The following MAP4 variants were observed in gnomAD, a reference collection of about 807,000 sequenced individuals.
The protein encoded by MAP4 is microtubule associated protein 4, also known as microtubule-associated protein 4.
In MAP4, 76 loss-of-function variants were observed where a neutral mutation model predicts 170.2. The observed-to-expected ratio is 0.45, with a 90% confidence interval of 0.37 to 0.54. The LOEUF (loss-of-function observed/expected upper bound fraction) is 0.54. MAP4 is among the 20% of genes least tolerant of loss of function. MAP4 has a pLI of 0.00. For missense variants in MAP4, 2,506 were observed against 2,748.0 expected, an observed-to-expected ratio of 0.91 and a Z score of 1.97; for synonymous variants, 909 against 994.5, an observed-to-expected ratio of 0.91 and a Z score of 1.62.
intron 1 of MAP4, among the ~76,000 whole-genome samples, chr3:48,031,680 G>A (rs944159219): frequency 1.1e-4 from 17 of 152,282 alleles, no homozygotes; most frequent in African/African-American, 3.8e-4. Context: ...AGCCACGATC[G>A]TGCCACTGCA....
intron 1 of MAP4, among the ~76,000 whole-genome samples, chr3:48,037,747 C>T (rs2100119470): frequency 2.0e-5 from 3 of 152,168 alleles, no homozygotes; most frequent in African/African-American, 7.2e-5. Flanking sequence ...ATGAAAGTCG[C>T]CATGACTTCA....
intron 1 of MAP4, among the ~76,000 whole-genome samples, chr3:48,008,962 G>A (rs2100103848): frequency 6.6e-6 from 1 of 152,164 alleles, no homozygotes; most frequent in African/African-American, 2.4e-5. Context: ...GATTATATTG[G>A]ACCTCTTCCA....
rs750259996 is a variant in MAP4 at position 47,875,761 on chromosome 3, G to T, written c.5681C>A (p.Pro1894Gln). The change falls in exon 12 of 21, where the codon CCA becomes CAA. Residue 1894 changes from proline (P) to glutamine (Q), a missense_variant. Pro to Gln is a moderately conservative substitution (Grantham distance 76). Around this residue, in one of 3 missense-constraint regions of MAP4, gnomAD observed 487 missense variants for 511.6 expected, o/e 0.95. Transcript: ENST00000683076. ...KPMSLASGLV[P>Q]AAPPKRPAVA... is the part of the protein sequence containing the mutation. ...GGCAGGGCGTTTGGGTGGGGCAGCT[G>T]GCACTAAGCCTGAAGCAAGGCTCAT... The T allele has an allele frequency of 2.5e-6, 4 of 1,614,044 alleles. No individual in the cohort carries two copies. The highest frequency in any genetic ancestry group is 2.2e-5 in the South Asian group (2 of 91,076).
At chr3:48,007,392 TCA>T (rs2100102908) in intron 1 of MAP4, among the ~76,000 whole-genome samples, 1 of 152,170 alleles carries the variant, frequency 6.6e-6, no homozygotes, top group South Asian at 2.1e-4. Context: ...AACACGTTCC[TCA>T]TTTGGGTGTA....
chr3:48,043,890 G>A (rs1269295059), intron 1 of MAP4, among the ~76,000 whole-genome samples: 1 of 152,060 alleles, frequency 6.6e-6, no homozygotes, highest in Non-Finnish European at 1.5e-5. Flanking sequence ...TCTGTGTCCA[G>A]TCTAGGGTGC....
chr3:47,925,820 AATAG>A (rs2100045528), intron 4 of MAP4, among the ~76,000 whole-genome samples: 1 of 152,162 alleles, frequency 6.6e-6, no homozygotes. Context: ...TATAACCATA[AATAG>A]ATAAATAGAT....
intron 10 of MAP4, among the ~76,000 whole-genome samples, chr3:47,881,468 A>C (rs1367128329): frequency 7.3e-5 from 5 of 68,786 alleles, no homozygotes; most frequent in Admixed American, 3.7e-4. Flanking sequence ...ATATATATAT[A>C]TATATATATA....
At chr3:47,888,397 C>T (rs553137304) in intron 10 of MAP4, among the ~76,000 whole-genome samples, 24 of 152,244 alleles carry the variant, frequency 1.6e-4, no homozygotes, top group South Asian at 4.2e-4. Flanking sequence ...TAACACTCAC[C>T]GCGAAGATCT....
chr3:48,051,790 GTCCCTAAGACTCTTT>G (rs1181643101), intron 1 of MAP4, among the ~76,000 whole-genome samples: 18 of 152,196 alleles, frequency 1.2e-4, no homozygotes, highest in African/African-American at 3.9e-4. Flanking sequence ...AGTCCCTTAG[GTCCCTAAGACTCTTT>G]TTTCTATCAT....
At chr3:48,062,739 A>G (rs1455346806) in intron 1 of MAP4, among the ~76,000 whole-genome samples, 3 of 151,744 alleles carry the variant, frequency 2.0e-5, no homozygotes, top group Non-Finnish European at 4.4e-5. Context: ...CCTGACCAAC[A>G]TGAAGAAACC....
intron 9 of MAP4, among the ~76,000 whole-genome samples, chr3:47,904,825 A>G (rs2153422155): frequency 6.6e-6 from 1 of 151,104 alleles, no homozygotes; most frequent in Non-Finnish European, 1.5e-5. Flanking sequence ...ATGCAACATC[A>G]TGCGTGGCTA....
rs938607045 is a variant in MAP4, at chr3:48,031,019, G to C, written c.-19-32140C>G. ...ATCCTTTACATGTGCATAGCACATAGTGACCTCCTTCTAAAGAGTACAATA... is the reference window on the plus strand; with the variant it reads ...ATCCTTTACATGTGCATAGCACATACTGACCTCCTTCTAAAGAGTACAATA... On this transcript the variant is annotated intron_variant, in intron 1 of 18. Coordinates refer to the MAP4 transcript ENST00000360240. 2.6e-5 allele frequency among the ~76,000 whole-genome samples: 4 copies of C among 152,232 alleles called. No homozygotes were observed. The South Asian group carries it at 8.3e-4, about 32-fold the overall frequency.
At chr3:47,930,061 C>T (rs1208341462) in intron 3 of MAP4, among the ~76,000 whole-genome samples, 4 of 152,044 alleles carry the variant, frequency 2.6e-5, no homozygotes, top group Admixed American at 2.6e-4. Flanking sequence ...GCCTGGGAGG[C>T]GAAGGTTGCA....
At chr3:48,022,282 TAG>T (rs1326752009) in intron 1 of MAP4, among the ~76,000 whole-genome samples, 9 of 151,360 alleles carry the variant, frequency 5.9e-5, no homozygotes, top group Non-Finnish European at 1.0e-4. Flanking sequence ...ATGGAGAGAG[TAG>T]AGAGACAGGG....
At chr3:47,977,695 T>TG (rs901164509) in intron 3 of MAP4, among the ~76,000 whole-genome samples, 170 bp downstream of exon 3, 33 of 152,374 alleles carry the variant, frequency 2.2e-4, no homozygotes, top group Admixed American at 1.4e-3. Context: ...CTTCCATTGT[T>TG]GGAGATTTTA....
chr3:47,887,150 T>A (rs577666124), intron 10 of MAP4, among the ~76,000 whole-genome samples: 1 of 152,336 alleles, frequency 6.6e-6, no homozygotes, highest in South Asian at 2.1e-4. Context: ...TGGGACCCCC[T>A]TTCTGGGCTG....
intron 1 of MAP4, among the ~76,000 whole-genome samples, chr3:48,044,948 C>T (rs1358153586): frequency 6.8e-6 from 1 of 147,726 alleles, no homozygotes; most frequent in East Asian, 2.0e-4. Context: ...GATCCTATCT[C>T]AAAAAAAAGA....
intron 2 of MAP4, among the ~76,000 whole-genome samples, chr3:47,983,639 C>T (rs112989009): frequency 0.011 from 1,738 of 152,240 alleles, 35 homozygotes; most frequent in African/African-American, 0.039. Context: ...CCACCTGCTT[C>T]GGCCTCCCAA....
At chr3:47,956,363 C>A (rs2100067836) in intron 3 of MAP4, among the ~76,000 whole-genome samples, 1 of 152,166 alleles carries the variant, frequency 6.6e-6, no homozygotes, top group East Asian at 1.9e-4. Flanking sequence ...TAGCTCTGCA[C>A]AACATGCCAG....
Sources: allele counts gnomAD v4.1 joint callset (sites outside exome capture counted in the v4.1 genomes callset), GRCh38; gene constraint gnomAD v4.1.1; regional missense constraint gnomAD v4.1.1; transcripts MANE v1.5; gene names NCBI Gene and HGNC (gene_info 2026-07-23, HGNC 2026-07-21).